The following EDIL3 variants were observed in gnomAD, a reference collection of about 807,000 sequenced individuals.
EDIL3 encodes the protein EGF-like repeat and discoidin I-like domain-containing protein 3.
A neutral mutation model predicts 67.4 loss-of-function variants in EDIL3; 37 were observed. The observed-to-expected ratio is 0.55, with a 90% CI of 0.42 to 0.72. EDIL3 has a LOEUF of 0.72. Ranked by LOEUF, EDIL3 falls within the 30% of genes least tolerant of loss-of-function variation. EDIL3 has a pLI of 0.00. For missense variants in EDIL3, 527 were observed against 586.3 expected, an observed-to-expected ratio of 0.90 and a Z score of 1.04; for synonymous variants, 195 against 196.3, an observed-to-expected ratio of 0.99 and a Z score of 0.05.
chr5:84,145,606 A>T (rs1298085584), intron 4 of EDIL3, among the ~76,000 whole-genome samples: 1 of 152,114 alleles, frequency 6.6e-6, no homozygotes, highest in Non-Finnish European at 1.5e-5. Context: ...AAAAGTGAGA[A>T]GGGAAATTTA....
At chr5:84,058,221 G>C (rs959806317) in intron 9 of EDIL3, among the ~76,000 whole-genome samples, 1 of 152,034 alleles carries the variant, frequency 6.6e-6, no homozygotes, top group Non-Finnish European at 1.5e-5. Flanking sequence ...GGTAAGAAAC[G>C]AACTGGGGCC....
intron 1 of EDIL3, among the ~76,000 whole-genome samples, chr5:84,352,940 C>T (rs1747392528): frequency 1.3e-5 from 2 of 152,058 alleles, no homozygotes; most frequent in South Asian, 2.1e-4. Context: ...GATGGGTATA[C>T]AAACAGCATA....
intron 4 of EDIL3, among the ~76,000 whole-genome samples, chr5:84,146,012 G>A (rs1183988871): frequency 2.0e-5 from 3 of 151,956 alleles, no homozygotes; most frequent in African/African-American, 7.2e-5. Context: ...TCTTCCTTAG[G>A]CTTTTGCTGA....
At chr5:83,957,373 AT>A (rs1300257572) in intron 10 of EDIL3, among the ~76,000 whole-genome samples, 1 of 151,664 alleles carries the variant, frequency 6.6e-6, no homozygotes, top group African/African-American at 2.4e-5. Context: ...CCCAGATCAA[AT>A]TTCAAAAGAA....
intron 3 of EDIL3, among the ~76,000 whole-genome samples, chr5:84,226,993 T>C (rs1192319306): frequency 6.6e-6 from 1 of 151,944 alleles, no homozygotes; most frequent in Non-Finnish European, 1.5e-5. Context: ...ATACACTGGG[T>C]TACAATTCAT....
intron 3 of EDIL3, among the ~76,000 whole-genome samples, chr5:84,184,209 T>C (rs1200557604): frequency 6.6e-6 from 1 of 152,194 alleles, no homozygotes; most frequent in Non-Finnish European, 1.5e-5. Context: ...AATAGGAACC[T>C]GGAATCTATG....
At chr5:84,351,960 T>TA (rs1236261243) in intron 1 of EDIL3, among the ~76,000 whole-genome samples, 4 of 151,554 alleles carry the variant, frequency 2.6e-5, no homozygotes, top group African/African-American at 9.7e-5. Context: ...GAAAACCCAT[T>TA]AAAAAGTGGG....
chr5:84,012,723 C>T (rs1745537746), intron 9 of EDIL3, among the ~76,000 whole-genome samples: 1 of 152,066 alleles, frequency 6.6e-6, no homozygotes, highest in South Asian at 2.1e-4. Context: ...TCTCAATTTA[C>T]TATTCTCCAT....
intron 3 of EDIL3, among the ~76,000 whole-genome samples, chr5:84,183,072 C>T (rs1042347032): frequency 2.0e-5 from 3 of 152,142 alleles, no homozygotes; most frequent in Non-Finnish European, 4.4e-5. Context: ...TCCACTTCCT[C>T]CCTCCTCACA....
At chr5:83,987,177 CT>C (rs1229524672) in intron 9 of EDIL3, among the ~76,000 whole-genome samples, 1 of 152,006 alleles carries the variant, frequency 6.6e-6, no homozygotes, top group African/African-American at 2.4e-5. Flanking sequence ...GTTTTTCAGT[CT>C]TCTTATGTTT....
chr5:84,131,393 T>C (rs993758408), intron 5 of EDIL3, among the ~76,000 whole-genome samples: 3 of 152,190 alleles, frequency 2.0e-5, no homozygotes, highest in Non-Finnish European at 2.9e-5. Context: ...TCTTTCCTCT[T>C]ATGCTGTTGT....
chr5:84,170,158 A>G (rs1458712936), intron 4 of EDIL3, among the ~76,000 whole-genome samples: 2 of 152,118 alleles, frequency 1.3e-5, no homozygotes, highest in Non-Finnish European at 2.9e-5. Context: ...ATATTGCAAA[A>G]TGGTTTCTTG....
intron 3 of EDIL3, among the ~76,000 whole-genome samples, chr5:84,195,351 C>A (rs1307720820): frequency 1.3e-5 from 2 of 151,802 alleles, no homozygotes; most frequent in Non-Finnish European, 2.9e-5. Context: ...TCTGAACTGT[C>A]CCTCTTTAAG....
chr5:84,265,854 G>A (rs1323880483), intron 1 of EDIL3, among the ~76,000 whole-genome samples: 1 of 152,146 alleles, frequency 6.6e-6, no homozygotes, highest in Non-Finnish European at 1.5e-5. Context: ...AGACAACTGA[G>A]CAATTAACTC....
chr5:83,968,191 G>A (rs1744729741), intron 9 of EDIL3, among the ~76,000 whole-genome samples: 1 of 151,980 alleles, frequency 6.6e-6, no homozygotes, highest in Admixed American at 6.6e-5. Flanking sequence ...TACACTTGTA[G>A]TCCATATTTG....
chr5:84,085,304 T>G (rs56266314), intron 6 of EDIL3, among the ~76,000 whole-genome samples: 10,109 of 152,298 alleles, frequency 0.066, 468 homozygotes, highest in Middle Eastern at 0.13. Context: ...TTTTTCCTTA[T>G]CTTCATGGAG....
At chr5:84,293,193 T>G (rs1745963625) in intron 1 of EDIL3, among the ~76,000 whole-genome samples, 1 of 152,320 alleles carries the variant, frequency 6.6e-6, no homozygotes, top group Non-Finnish European at 1.5e-5. Flanking sequence ...GCCTTGAAAA[T>G]GGACCATTTA....
intron 1 of EDIL3, among the ~76,000 whole-genome samples, chr5:84,312,231 G>T (rs1176276290): frequency 3.6e-5 from 5 of 140,536 alleles, no homozygotes; most frequent in African/African-American, 1.3e-4. Flanking sequence ...CTGGCCGGGT[G>T]GGGGGCTGAC....
chr5:84,384,195 G>T (rs1748168344), intron 1 of EDIL3, 113 bp downstream of exon 1: 1 of 1,343,906 alleles, frequency 7.4e-7, no homozygotes, highest in Non-Finnish European at 1.0e-6. Flanking sequence ...CGCCGCCAGC[G>T]GCGCTCGCCA....
Sources: allele counts gnomAD v4.1 joint callset (sites outside exome capture counted in the v4.1 genomes callset), GRCh38; gene constraint gnomAD v4.1.1; transcripts MANE v1.5; gene names NCBI Gene and HGNC (gene_info 2026-07-23, HGNC 2026-07-21).